The following TLN2 variants were observed in gnomAD, a reference collection of about 807,000 sequenced individuals.
TLN2 encodes the protein talin 2.
Under a neutral mutation model 294.7 loss-of-function variants are expected in TLN2, and 118 were observed. That is an observed-to-expected ratio of 0.40 (90% CI 0.34 to 0.47). TLN2 has a LOEUF of 0.47. TLN2 is among the 20% of genes least tolerant of loss of function. The probability of loss-of-function intolerance (pLI) is 0.84; values close to 1 mark genes in which losing one functional copy is unlikely to be tolerated. For missense variants in TLN2, 3,083 were observed against 3,282.2 expected, an observed-to-expected ratio of 0.94 and a Z score of 1.48; for synonymous variants, 1,431 against 1,304.5, an observed-to-expected ratio of 1.10 and a Z score of -2.09.
In TLN2 at chr15:62,796,217, G is replaced by A. The variant is rs774483219; in HGVS notation, c.5974G>A (p.Asp1992Asn). The A allele has an allele frequency of 9.3e-6, 15 of 1,614,218 alleles. No individual in the cohort carries two copies. Among genetic ancestry groups the A allele is most frequent in the East Asian group, 2.2e-5 (1 of 44,884 alleles). ...CACCGCTGTGTCTGGGATCATTGCC[G>A]ACCTGGACACCACCATTATGTTTGC... ...AATAVSGIIA[D>N]LDTTIMFATA... The change falls in exon 47 of 59, where the codon GAC (aspartate) becomes AAC (asparagine). Residue 1992 changes from aspartate to asparagine, a missense_variant. Transcript: ENST00000636159.
intron 1 of TLN2, among the ~76,000 whole-genome samples, chr15:62,431,292 A>C (rs1202769466): frequency 2.6e-5 from 4 of 152,226 alleles, no homozygotes; most frequent in Non-Finnish European, 1.5e-5. Flanking sequence ...TAAAGTGAAC[A>C]TTAAAAAAAG....
chr15:62,613,251 C>A (rs1017203088), intron 2 of TLN2, among the ~76,000 whole-genome samples: 1 of 152,150 alleles, frequency 6.6e-6, no homozygotes, highest in African/African-American at 2.4e-5. Context: ...GTATTTTGTT[C>A]TTTTTGATCC....
At position 62,517,821 on chromosome 15, in the gene TLN2, T is replaced by C. The variant is rs1371593731; in HGVS notation, c.-237-71866T>C. Among the ~76,000 whole-genome samples, 3 of 152,190 alleles carry C rather than the reference T, an allele frequency of 2.0e-5. No homozygotes were observed. The East Asian group carries it at 5.8e-4, about 29-fold the overall frequency. ...AAGTCTGTTTGTCTCTTTCTTTTTT[T>C]AAATGAAATAATTATGGGAGACTCT... On this transcript the variant is annotated intron_variant, in intron 1 of 58. Transcript: ENST00000636159.
intron 1 of TLN2, among the ~76,000 whole-genome samples, chr15:62,529,144 A>C (rs1203064657): frequency 6.7e-6 from 1 of 150,248 alleles, no homozygotes; most frequent in Non-Finnish European, 1.5e-5. Flanking sequence ...CCCAGGCTGG[A>C]GTGTGGTGGC....
chr15:62,471,113 A>G (rs1701738), intron 1 of TLN2, among the ~76,000 whole-genome samples: 142,419 of 152,226 alleles, frequency 0.94, 66,880 homozygotes, highest in East Asian at 1. Context: ...GGGAGGCTGA[A>G]GCAGGAGGAT....
chr15:62,458,834 T>G (rs410732), intron 1 of TLN2, among the ~76,000 whole-genome samples: 136,480 of 151,876 alleles, frequency 0.9, 62,263 homozygotes, highest in East Asian at 1. Context: ...TGCATGTCCC[T>G]GCTTACTTAA....
intron 28 of TLN2, 109 bp from the exon 29 acceptor site, chr15:62,736,769 A>C (rs2061039192): frequency 8.4e-7 from 1 of 1,196,736 alleles, no homozygotes; most frequent in Non-Finnish European, 1.2e-6. Context: ...ATGAAGACTA[A>C]TCTGCAGCTC....
chr15:62,465,102 G>A (rs1227923427), intron 1 of TLN2, among the ~76,000 whole-genome samples: 2 of 120,876 alleles, frequency 1.7e-5, no homozygotes, highest in African/African-American at 3.1e-5. Context: ...TGTGGTGAGC[G>A]CGTTTTTTTT....
At chr15:62,586,358 T>C (rs2045613760) in intron 1 of TLN2, among the ~76,000 whole-genome samples, 1 of 152,196 alleles carries the variant, frequency 6.6e-6, no homozygotes, top group South Asian at 2.1e-4. Flanking sequence ...GGAAATTTTG[T>C]AGGGAAGAAG....
intron 35 of TLN2, among the ~76,000 whole-genome samples, chr15:62,753,055 A>G (rs963474333): frequency 7.2e-5 from 11 of 152,156 alleles, no homozygotes; most frequent in Non-Finnish European, 1.5e-4. Flanking sequence ...TTCCCCTCAG[A>G]TCTCAGGAGA....
At position 62,694,151 on chromosome 15, in the gene TLN2, T is replaced by TA. The variant is rs201398181; in HGVS notation, c.1216-165_1216-164insA. Among the ~76,000 whole-genome samples the TA allele has an allele frequency of 5.2e-3, 798 of 152,008 alleles. 3 individuals are homozygous for TA. The highest frequency in any genetic ancestry group is 8.2e-3 in the Non-Finnish European group (558 of 67,960). On this transcript the variant is annotated intron_variant, in intron 13 of 58. Coordinates refer to ENST00000636159, the MANE Select transcript of TLN2 (RefSeq NM_015059.3). ...CCAGGCTGATTTATGTATATATATA[T>TA]TTTTTATTAGAGACGGGGTCTCACT... is the stretch of plus-strand genomic sequence containing the variant.
chr15:62,732,728 C>T (rs2060797810), intron 28 of TLN2, among the ~76,000 whole-genome samples: 1 of 152,030 alleles, frequency 6.6e-6, no homozygotes, highest in South Asian at 2.1e-4. Flanking sequence ...ATTGAAGAAG[C>T]AAAAACCCAA....
rs181190056 is a variant in TLN2 at position 62,767,538 on chromosome 15, C to T, written c.5196+1116C>T. ...TGTATTAGTAGAGACGGGGTTTCTC[C>T]GTGTTGGTCAGGCTGGTCTCAAACT... On this transcript the variant is annotated intron_variant, in intron 41 of 58. Coordinates refer to ENST00000636159, the MANE Select transcript of TLN2 (RefSeq NM_015059.3). Among the ~76,000 whole-genome samples the T allele has an allele frequency of 1.4e-3, 219 of 152,236 alleles. 1 individual carries two copies. Among genetic ancestry groups the T allele is most frequent in the African/African-American group, 4.8e-3 (201 of 41,524 alleles).
At chr15:62,450,599 G>A (rs1251637246) in intron 1 of TLN2, among the ~76,000 whole-genome samples, 1 of 151,818 alleles carries the variant, frequency 6.6e-6, no homozygotes, top group Non-Finnish European at 1.5e-5. Context: ...GTTTGAGACA[G>A]GGTCTGACTT....
At position 62,761,841 on chromosome 15, in the gene TLN2, A is replaced by G; in HGVS notation, c.4779+20A>G. On this transcript the variant is annotated intron_variant, in intron 38 of 58. Transcript: ENST00000636159. Reference sequence around the variant, plus strand: ...TCCGAGGTAGGGAGTGTTTACAGGAACATCATACTAAGGTCTTTGGCTAAC... The same window carrying G: ...TCCGAGGTAGGGAGTGTTTACAGGAGCATCATACTAAGGTCTTTGGCTAAC... 8 of 1,613,900 alleles carry G rather than the reference A, an allele frequency of 5.0e-6. No individual in the cohort carries two copies. Among genetic ancestry groups the G allele is most frequent in the Non-Finnish European group, 6.8e-6 (8 of 1,179,834 alleles).
intron 1 of TLN2, among the ~76,000 whole-genome samples, chr15:62,443,342 A>T (rs1424960607): frequency 1.3e-5 from 2 of 152,316 alleles, no homozygotes; most frequent in South Asian, 2.1e-4. Flanking sequence ...TGGTTCTAAT[A>T]TAAAACTTTA....
At chr15:62,481,882 C>T (rs556335776) in intron 1 of TLN2, among the ~76,000 whole-genome samples, 2 of 150,050 alleles carry the variant, frequency 1.3e-5, no homozygotes, top group East Asian at 2.0e-4. Flanking sequence ...TTGCAACCTC[C>T]GCCTCCTGGG....
At chr15:62,764,765 C>G (rs1021856972) in intron 40 of TLN2, among the ~76,000 whole-genome samples, 4 of 151,892 alleles carry the variant, frequency 2.6e-5, no homozygotes, top group African/African-American at 4.8e-5. Context: ...TCAGGAGTTC[C>G]AGACCAGCCT....
At chr15:62,697,898 G>T in intron 15 of TLN2, 30 bp downstream of exon 15, 2 of 1,603,836 alleles carry the variant, frequency 1.2e-6, no homozygotes, top group Non-Finnish European at 8.5e-7. Flanking sequence ...TCCCCCACTC[G>T]TTAGTCTGCT....
Sources: allele counts gnomAD v4.1 joint callset (sites outside exome capture counted in the v4.1 genomes callset), GRCh38; gene constraint gnomAD v4.1.1; transcripts MANE v1.5; gene names NCBI Gene and HGNC (gene_info 2026-07-23, HGNC 2026-07-21).